The following NRG1 variants were observed in gnomAD, a reference collection of about 807,000 sequenced individuals.
NRG1 encodes neuregulin 1.
A neutral mutation model predicts 63.8 loss-of-function variants in NRG1; 18 were observed. The observed-to-expected ratio is 0.28, with a 90% CI of 0.19 to 0.42. The LOEUF (loss-of-function observed/expected upper bound fraction) is 0.42, where lower values mean the gene tolerates loss of function less well. Among genes scored for constraint, NRG1 ranks in the 10% least tolerant of loss-of-function variants. The probability of loss-of-function intolerance (pLI) is 1.00; values close to 1 mark genes in which losing one functional copy is unlikely to be tolerated. For missense variants in NRG1, 762 were observed against 814.7 expected (o/e 0.94, Z 0.79); for synonymous variants, 302 against 301.3 (o/e 1.00, Z -0.02).
At chr8:31,929,799 A>AAT (rs1211996512) in intron 1 of NRG1, among the ~76,000 whole-genome samples, 1 of 152,120 alleles carries the variant, frequency 6.6e-6, no homozygotes, top group Non-Finnish European at 1.5e-5. Flanking sequence ...TCTGTCTTAC[A>AAT]ATATATATAT....
chr8:31,671,994 A>C (rs1476270680), intron 1 of NRG1, among the ~76,000 whole-genome samples: 1 of 152,188 alleles, frequency 6.6e-6, no homozygotes, highest in Non-Finnish European at 1.5e-5. Flanking sequence ...AAAATGTTGC[A>C]TACAAAATGT....
chr8:32,520,009 C>T (rs1426942897), intron 1 of NRG1, among the ~76,000 whole-genome samples: 1 of 152,138 alleles, frequency 6.6e-6, no homozygotes, highest in African/African-American at 2.4e-5. Flanking sequence ...CACACTCACA[C>T]ACATATACAC....
intron 1 of NRG1, among the ~76,000 whole-genome samples, chr8:32,165,810 A>G (rs556504938): frequency 1.8e-4 from 28 of 152,276 alleles, no homozygotes; most frequent in African/African-American, 6.7e-4. Context: ...TCTCCTGAAT[A>G]ACTGAATGGG....
At chr8:31,730,831 T>C (rs951502672) in intron 1 of NRG1, among the ~76,000 whole-genome samples, 2 of 151,774 alleles carry the variant, frequency 1.3e-5, no homozygotes, top group Non-Finnish European at 2.9e-5. Flanking sequence ...ATAAGTAAAA[T>C]TAAAAGAGAA....
chr8:31,852,359 G>C (rs1293028346), intron 1 of NRG1, among the ~76,000 whole-genome samples: 1 of 151,660 alleles, frequency 6.6e-6, no homozygotes, highest in Non-Finnish European at 1.5e-5. Flanking sequence ...CTGATGGCCA[G>C]TGATGGTGAG....
intron 1 of NRG1, among the ~76,000 whole-genome samples, chr8:32,085,153 T>C (rs890879463): frequency 6.6e-6 from 1 of 152,220 alleles, no homozygotes; most frequent in Non-Finnish European, 1.5e-5. Flanking sequence ...ACATAATTGA[T>C]TCTCTGGCAT....
At chr8:32,161,644 T>A (rs1329890215) in intron 1 of NRG1, among the ~76,000 whole-genome samples, 1 of 152,208 alleles carries the variant, frequency 6.6e-6, no homozygotes, top group African/African-American at 2.4e-5. Context: ...CTCAGTGTTT[T>A]AATGCAACAA....
chr8:32,532,652 T>G (rs1831568585), intron 1 of NRG1, among the ~76,000 whole-genome samples: 1 of 152,064 alleles, frequency 6.6e-6, no homozygotes. Context: ...TTCAGTCAAG[T>G]ATTTCTTTAG....
intron 1 of NRG1, among the ~76,000 whole-genome samples, chr8:32,310,212 G>A (rs556550316): frequency 6.6e-6 from 1 of 152,160 alleles, no homozygotes; most frequent in Non-Finnish European, 1.5e-5. Context: ...AATATATGAC[G>A]GTTTGGATCT....
intron 1 of NRG1, among the ~76,000 whole-genome samples, chr8:31,678,240 G>T (rs1807931815): frequency 1.3e-5 from 2 of 152,026 alleles, no homozygotes; most frequent in South Asian, 4.1e-4. Flanking sequence ...GCATAGGAAA[G>T]GCTACATACT....
intron 5 of NRG1, among the ~76,000 whole-genome samples, chr8:32,723,238 C>A (rs950726339): frequency 6.6e-6 from 1 of 152,084 alleles, no homozygotes; most frequent in African/African-American, 2.4e-5. Context: ...GTGCCTTGGA[C>A]CTGATTCTTC....
intron 1 of NRG1, among the ~76,000 whole-genome samples, chr8:32,276,122 A>T (rs1852072815): frequency 6.6e-6 from 1 of 152,162 alleles, no homozygotes; most frequent in African/African-American, 2.4e-5. Flanking sequence ...CTACAGTGCC[A>T]CAGAGCACTA....
chr8:32,754,286 T>C, intron 7 of NRG1, 86 bp from the exon 8 acceptor site: 2 of 1,084,502 alleles, frequency 1.8e-6, no homozygotes, highest in Non-Finnish European at 1.4e-6. Flanking sequence ...ATGGACAATG[T>C]CATGCAGCAT....
At chr8:31,802,767 G>A (rs922361889) in intron 1 of NRG1, among the ~76,000 whole-genome samples, 2 of 152,204 alleles carry the variant, frequency 1.3e-5, no homozygotes, top group Non-Finnish European at 2.9e-5. Context: ...TAGCATTTGA[G>A]TGATTGAATA....
rs1292411967 is a variant in NRG1 at position 32,307,586 on chromosome 8, GGTTTGTGTGTGTGT to G, written c.38-288239_38-288226del. On this transcript the variant is annotated intron_variant, in intron 1 of 10. Transcript: ENST00000519301. ...GAAAATGGCTCTATGGTCACCCAGG[GGTTTGTGTGTGTGT>G]GTGTGTGTGTGTGTGTGTGTGTGTG... is the stretch of plus-strand genomic sequence containing the variant. 1.4e-3 allele frequency among the ~76,000 whole-genome samples: 158 copies of G among 108,986 alleles called. 2 individuals carry two copies. In the South Asian group the frequency reaches 0.032, roughly 22 times the overall value. 71.5% of individuals were successfully genotyped at this position (108,986 alleles called of 152,430 possible). A position where few individuals can be genotyped will look rare whatever the true frequency, so the allele number is the denominator to read the frequency against.
chr8:31,969,585 G>C (rs2129628409), intron 1 of NRG1, among the ~76,000 whole-genome samples: 1 of 152,248 alleles, frequency 6.6e-6, no homozygotes, highest in South Asian at 2.1e-4. Flanking sequence ...GATCACTGTA[G>C]AGAAAGCATG....
Position 31,796,263 on chromosome 8 carries a change from ATCT to A in NRG1, c.37+156834_37+156836del, listed in dbSNP as rs758903419. On this transcript the variant is annotated intron_variant, in intron 1 of 10. Coordinates refer to the NRG1 transcript ENST00000519301. ...TTTATGTGCATATAGAAGCTCAGTG[ATCT>A]TTTTATTCTGTTTTACTCAGGCTAT... Among the ~76,000 whole-genome samples the A allele has an allele frequency of 5.9e-3, 903 of 152,018 alleles. 4 individuals carry two copies. The highest frequency in any genetic ancestry group is 9.6e-3 in the Non-Finnish European group (651 of 67,962).
At chr8:32,406,704 C>T (rs1814040258) in intron 1 of NRG1, among the ~76,000 whole-genome samples, 1 of 151,794 alleles carries the variant, frequency 6.6e-6, no homozygotes, top group South Asian at 2.1e-4. Context: ...CTTATTCTTT[C>T]TCTTCGTCCT....
intron 1 of NRG1, among the ~76,000 whole-genome samples, chr8:32,041,592 G>A (rs548536135): frequency 2.0e-5 from 3 of 152,296 alleles, no homozygotes; most frequent in African/African-American, 4.8e-5. Flanking sequence ...TGGCAGTGAC[G>A]GTGACAGCAG....
Sources: gnomAD v4.1 joint callset for allele counts (sites outside exome capture counted in the v4.1 genomes callset) on GRCh38, gnomAD v4.1.1 for gene constraint, MANE v1.5 for transcripts, NCBI Gene and HGNC (gene_info 2026-07-23, HGNC 2026-07-21) for gene names.